Variants in ST3GAL3 observed in about 807,000 individuals in gnomAD.
ST3GAL3 encodes CMP-N-acetylneuraminate-beta-1,4-galactoside alpha-2,3-sialyltransferase.
ST3GAL3 carries 21 observed loss-of-function variants against 50.1 expected under a neutral mutation model. That is an observed-to-expected ratio of 0.42 (90% CI 0.30 to 0.60). ST3GAL3 has a LOEUF of 0.60. ST3GAL3 is among the 20% of genes least tolerant of loss of function. The pLI is 0.19. For synonymous variants in ST3GAL3, 183 were observed against 190.0 expected (o/e 0.96, Z 0.30); for missense variants, 353 against 489.4 (o/e 0.72, Z 2.63).
At position 43,855,652 on chromosome 1, in the gene ST3GAL3, A is replaced by G. The variant is rs141334474; in HGVS notation, c.302+17341A>G. Among the ~76,000 whole-genome samples, 1,247 of 152,140 alleles carry G rather than the reference A, an allele frequency of 8.2e-3. 11 individuals carry two copies. Among genetic ancestry groups the G allele is most frequent in the South Asian group, 0.019 (92 of 4,824 alleles). Reference sequence around the variant, plus strand: ...TAAATTTAAAAAAAAAGGAAATCCTAAAAGATGAGAATCCCAAAAACTCTA... The same window carrying G: ...TAAATTTAAAAAAAAAGGAAATCCTGAAAGATGAGAATCCCAAAAACTCTA... On this transcript the variant is annotated intron_variant, in intron 5 of 11. Coordinates refer to ENST00000347631, the MANE Select transcript of ST3GAL3 (RefSeq NM_006279.5).
intron 5 of ST3GAL3, among the ~76,000 whole-genome samples, chr1:43,889,203 T>TACACACACACAC (rs59739550): frequency 9.7e-4 from 143 of 148,160 alleles, no homozygotes; most frequent in East Asian, 2.8e-3. Flanking sequence ...GGAACAGGAA[T>TACACACACACAC]ACACACACAC....
At chr1:43,904,376 C>G (rs1293888728) in intron 9 of ST3GAL3, among the ~76,000 whole-genome samples, 1 of 152,062 alleles carries the variant, frequency 6.6e-6, no homozygotes, top group African/African-American at 2.4e-5. Flanking sequence ...GCTCCCGAGC[C>G]AGCATTCACC....
chr1:43,904,727 TCC>T (rs1287803569), intron 9 of ST3GAL3, among the ~76,000 whole-genome samples: 14 of 63,874 alleles, frequency 2.2e-4, no homozygotes, highest in Non-Finnish European at 3.9e-4. Flanking sequence ...TTCCTCACCC[TCC>T]CCCTCCTGCT....
At chr1:43,823,067 C>T (rs936990061) in intron 4 of ST3GAL3, among the ~76,000 whole-genome samples, 2 of 152,152 alleles carry the variant, frequency 1.3e-5, no homozygotes, top group South Asian at 2.1e-4. Flanking sequence ...CCAGCCACTT[C>T]TCACTACCTC....
At chr1:43,896,088 A>G (rs2077353814) in intron 6 of ST3GAL3, among the ~76,000 whole-genome samples, 1 of 152,092 alleles carries the variant, frequency 6.6e-6, no homozygotes. Flanking sequence ...TTAGTGTAGA[A>G]CATTGCTTAA....
rs896685466 is a variant in ST3GAL3 at position 43,929,960 on chromosome 1, C to G, written c.1039-172C>G. 1.1e-5 allele frequency: 8 copies of G among 759,900 alleles called. No individual in the cohort carries two copies. In the African/African-American group the frequency reaches 1.4e-4, roughly 13 times the overall value. The allele number at this position is 759,900 out of a possible 1,614,324, so 47.1% of individuals were successfully genotyped here. Reference sequence around the variant, plus strand: ...AGGGAGGAGGATGAGCTGTGGCACTCCTAGAGCAGGGTCATCATTACCGTG... The same window carrying G: ...AGGGAGGAGGATGAGCTGTGGCACTGCTAGAGCAGGGTCATCATTACCGTG... On this transcript the variant is annotated intron_variant, in intron 11 of 11. Coordinates refer to ENST00000347631, the MANE Select transcript of ST3GAL3 (RefSeq NM_006279.5).
intron 3 of ST3GAL3, among the ~76,000 whole-genome samples, chr1:43,796,761 A>G (rs888032367): frequency 3.3e-5 from 5 of 152,262 alleles, no homozygotes; most frequent in Admixed American, 6.5e-5. Flanking sequence ...TAATCAACCA[A>G]TGCCAGTGCT....
chr1:43,730,571 CT>C (rs11318191), intron 1 of ST3GAL3, among the ~76,000 whole-genome samples: 37,445 of 122,050 alleles, frequency 0.31, 5,254 homozygotes, highest in African/African-American at 0.41. Flanking sequence ...TCTTTTCTTT[CT>C]TTTTTTTTTT....
At chr1:43,772,891 C>T (rs945210641) in intron 2 of ST3GAL3, among the ~76,000 whole-genome samples, 2 of 152,120 alleles carry the variant, frequency 1.3e-5, no homozygotes, top group East Asian at 1.9e-4. Context: ...AGATTACAGG[C>T]ACGTGCCACC....
At chr1:43,879,120 C>T (rs898451190) in intron 5 of ST3GAL3, 20 of 450,824 alleles carry the variant, frequency 4.4e-5, no homozygotes, top group African/African-American at 3.2e-4. Flanking sequence ...GAGGAGGTGA[C>T]ATTTCAACAG....
At chr1:43,913,996 C>T (rs570452449) in intron 9 of ST3GAL3, 1 of 152,324 alleles carries the variant, frequency 6.6e-6, no homozygotes, top group African/African-American at 2.4e-5. Flanking sequence ...CACCTCACAC[C>T]AGTAATCGTG....
chr1:43,720,185 T>C lies in ST3GAL3; in HGVS notation c.-31+12492T>C, dbSNP rs1669708446. Reference sequence around the variant, plus strand: ...TTGCAGCTGCACTGAGCCAAGGTCATGACACTGCACTCCAGCCTGGACCGC... The same window carrying C: ...TTGCAGCTGCACTGAGCCAAGGTCACGACACTGCACTCCAGCCTGGACCGC... On this transcript the variant is annotated intron_variant, in intron 1 of 11. Coordinates refer to ENST00000347631, the MANE Select transcript of ST3GAL3 (RefSeq NM_006279.5). Among the ~76,000 whole-genome samples, 3 of 152,070 alleles carry C rather than the reference T, an allele frequency of 2.0e-5. No homozygotes were observed. The South Asian group carries it at 6.2e-4, about 31-fold the overall frequency.
intron 9 of ST3GAL3, among the ~76,000 whole-genome samples, chr1:43,904,943 CTTTCTGCCACTCTTCCTCCCCT>C (rs2078982660): frequency 6.3e-5 from 1 of 15,814 alleles, no homozygotes; most frequent in South Asian, 2.7e-3. Context: ...CCCCTTCCTC[CTTTCTGCCACTCTTCCTCCCCT>C]TCCTGCTCCT....
chr1:43,771,155 C>T (rs986179063), intron 2 of ST3GAL3, among the ~76,000 whole-genome samples: 4 of 152,182 alleles, frequency 2.6e-5, no homozygotes, highest in African/African-American at 9.7e-5. Context: ...TTTGTCATGG[C>T]TGTTTCCCTT....
At chr1:43,748,317 G>A (rs749185644) in intron 2 of ST3GAL3, among the ~76,000 whole-genome samples, 1 of 151,760 alleles carries the variant, frequency 6.6e-6, no homozygotes, top group Non-Finnish European at 1.5e-5. Context: ...TAAAAATACT[G>A]CTGAGAGGAA....
chr1:43,905,219 C>T (rs1392009017), intron 9 of ST3GAL3, among the ~76,000 whole-genome samples: 2 of 109,992 alleles, frequency 1.8e-5, no homozygotes, highest in Non-Finnish European at 4.0e-5. Context: ...CCTCCTGTTC[C>T]TCTTCCCGCC....
At chr1:43,783,412 T>C (rs958876763) in intron 2 of ST3GAL3, among the ~76,000 whole-genome samples, 5 of 152,192 alleles carry the variant, frequency 3.3e-5, no homozygotes, top group African/African-American at 7.2e-5. Context: ...GTCCCACTGA[T>C]ACCAAGCTCT....
chr1:43,762,262 TAA>T (rs573587830), intron 2 of ST3GAL3, among the ~76,000 whole-genome samples: 91 of 121,270 alleles, frequency 7.5e-4, no homozygotes, highest in Admixed American at 1.7e-3. Flanking sequence ...CCTGTCTCAT[TAA>T]AAAAAAAAAA....
chr1:43,781,492 T>C (rs1699332233), intron 2 of ST3GAL3, among the ~76,000 whole-genome samples: 1 of 151,328 alleles, frequency 6.6e-6, no homozygotes, highest in Non-Finnish European at 1.5e-5. Flanking sequence ...ACACCTCTAA[T>C]CCCAGCTACT....
Sources: gnomAD v4.1 joint callset for allele counts (sites outside exome capture counted in the v4.1 genomes callset) on GRCh38, gnomAD v4.1.1 for gene constraint, MANE v1.5 for transcripts, NCBI Gene and HGNC (gene_info 2026-07-23, HGNC 2026-07-21) for gene names.